MAPKAP1: variants seen among roughly 807,000 people sequenced by gnomAD.
MAPKAP1 encodes target of rapamycin complex 2 subunit MAPKAP1.
In MAPKAP1, 20 loss-of-function variants were observed where a neutral mutation model predicts 65.7. That is an observed-to-expected ratio of 0.30 (90% confidence interval 0.21 to 0.44). The LOEUF is 0.44. Ranked by LOEUF, MAPKAP1 falls within the 20% of genes least tolerant of loss-of-function variation. The pLI, the probability that MAPKAP1 is intolerant of heterozygous loss-of-function variation, is 1.00. For synonymous variants in MAPKAP1, 222 were observed against 244.3 expected, an observed-to-expected ratio of 0.91 and a Z score of 0.85; for missense variants, 423 against 648.0, an observed-to-expected ratio of 0.65 and a Z score of 3.77.
At chr9:125,618,400 C>A (rs1832805377) in intron 4 of MAPKAP1, among the ~76,000 whole-genome samples, 1 of 138,152 alleles carries the variant, frequency 7.2e-6, no homozygotes. Flanking sequence ...AAAGACAACC[C>A]ATTACCCATT....
chr9:125,622,064 T>C (rs1832918373), intron 4 of MAPKAP1, among the ~76,000 whole-genome samples: 1 of 152,088 alleles, frequency 6.6e-6, no homozygotes, highest in African/African-American at 2.4e-5. Flanking sequence ...TTCTCACTCA[T>C]ATGTGGGAGC....
intron 6 of MAPKAP1, among the ~76,000 whole-genome samples, chr9:125,543,607 C>G (rs991015351): frequency 2.6e-5 from 4 of 152,132 alleles, no homozygotes; most frequent in African/African-American, 4.8e-5. Flanking sequence ...TAAGTGCATA[C>G]TGAGGTGCCA....
intron 3 of MAPKAP1, 146 bp from the exon 4 acceptor site, chr9:125,657,945 A>C: frequency 2.8e-6 from 2 of 716,362 alleles, no homozygotes; most frequent in Non-Finnish European, 4.6e-6. Context: ...CCCACAATAT[A>C]CCGTGCACTG....
chr9:125,473,702 A>T (rs1161946021), intron 9 of MAPKAP1, among the ~76,000 whole-genome samples: 1 of 151,962 alleles, frequency 6.6e-6, no homozygotes, highest in Non-Finnish European at 1.5e-5. Flanking sequence ...CTGAGCGCCC[A>T]CTCTGGGTAG....
At chr9:125,672,680 A>G in intron 1 of MAPKAP1, 37 bp from the exon 2 acceptor site, 1 of 1,302,864 alleles carries the variant, frequency 7.7e-7, no homozygotes, top group Non-Finnish European at 1.1e-6. Context: ...ATTTAAGAAT[A>G]AGGCAGAAAA....
At chr9:125,697,460 C>A (rs1300897923) in intron 1 of MAPKAP1, among the ~76,000 whole-genome samples, 2 of 152,138 alleles carry the variant, frequency 1.3e-5, no homozygotes, top group African/African-American at 4.8e-5. Context: ...TGGGACCATA[C>A]TTTATAGAGT....
At chr9:125,590,794 TA>T (rs1435823449) in intron 4 of MAPKAP1, among the ~76,000 whole-genome samples, 2 of 151,890 alleles carry the variant, frequency 1.3e-5, no homozygotes, top group Non-Finnish European at 2.9e-5. Context: ...TTTTTTTTTT[TA>T]AACAGTCTCG....
intron 8 of MAPKAP1, among the ~76,000 whole-genome samples, chr9:125,488,871 T>G (rs1377797415): frequency 6.6e-6 from 1 of 152,222 alleles, no homozygotes; most frequent in Non-Finnish European, 1.5e-5. Flanking sequence ...AAATGGTGCC[T>G]GCAATAGACA....
intron 3 of MAPKAP1, among the ~76,000 whole-genome samples, chr9:125,659,414 G>A (rs568330210): frequency 3.9e-5 from 6 of 152,204 alleles, no homozygotes; most frequent in African/African-American, 1.4e-4. Flanking sequence ...TTCACACTCA[G>A]ACCTCTCTCC....
At chr9:125,457,175 G>C (rs149758935) in intron 10 of MAPKAP1, among the ~76,000 whole-genome samples, 7 of 152,122 alleles carry the variant, frequency 4.6e-5, no homozygotes, top group African/African-American at 1.7e-4. Flanking sequence ...TTTTAGTAGA[G>C]ACAGGCTTTC....
At chr9:125,678,399 C>T (rs551569155) in intron 1 of MAPKAP1, among the ~76,000 whole-genome samples, 13 of 152,140 alleles carry the variant, frequency 8.5e-5, no homozygotes, top group African/African-American at 2.7e-4. Flanking sequence ...CCCGCCACCA[C>T]GCCTGGCTAA....
intron 7 of MAPKAP1, among the ~76,000 whole-genome samples, chr9:125,524,170 A>G (rs756475245): frequency 6.6e-6 from 1 of 152,240 alleles, no homozygotes; most frequent in Non-Finnish European, 1.5e-5. Context: ...GTCCAGCTTT[A>G]TAACAGCCAT....
chr9:125,697,465 TAG>T (rs1835420376), intron 1 of MAPKAP1, among the ~76,000 whole-genome samples: 1 of 152,214 alleles, frequency 6.6e-6, no homozygotes, highest in Non-Finnish European at 1.5e-5. Context: ...CCATACTTTA[TAG>T]AGTGTCATAT....
intron 8 of MAPKAP1, among the ~76,000 whole-genome samples, chr9:125,503,361 C>T (rs1326400657): frequency 6.6e-6 from 1 of 152,264 alleles, no homozygotes; most frequent in African/African-American, 2.4e-5. Flanking sequence ...TTAGGCTGCA[C>T]TGCCAGACAG....
intron 9 of MAPKAP1, among the ~76,000 whole-genome samples, chr9:125,468,670 T>G (rs1422108515): frequency 6.6e-6 from 1 of 152,172 alleles, no homozygotes; most frequent in Non-Finnish European, 1.5e-5. Flanking sequence ...CAAGCTATAT[T>G]TAAGGGAAGT....
intron 8 of MAPKAP1, among the ~76,000 whole-genome samples, chr9:125,501,213 T>C (rs1300828878): frequency 1.3e-5 from 2 of 152,228 alleles, no homozygotes; most frequent in African/African-American, 4.8e-5. Flanking sequence ...TTACCCAGAA[T>C]CTTGTCAACC....
At chr9:125,576,730 G>A (rs1421274515) in intron 5 of MAPKAP1, among the ~76,000 whole-genome samples, 10 of 152,126 alleles carry the variant, frequency 6.6e-5, no homozygotes, top group Admixed American at 3.9e-4. Context: ...TGTGTTGGCC[G>A]GGCTGGTCTC....
At chr9:125,505,311 G>C (rs530355988) in intron 8 of MAPKAP1, among the ~76,000 whole-genome samples, 1 of 152,278 alleles carries the variant, frequency 6.6e-6, no homozygotes, top group South Asian at 2.1e-4. Flanking sequence ...TATAGTCCCA[G>C]CTACTCGGGA....
intron 7 of MAPKAP1, among the ~76,000 whole-genome samples, chr9:125,512,639 T>C (rs1829335173): frequency 6.6e-6 from 1 of 152,134 alleles, no homozygotes; most frequent in South Asian, 2.1e-4. Flanking sequence ...TGGAGTGCAG[T>C]GGCGCAATCT....
Sources: gnomAD v4.1 joint callset for allele counts (sites outside exome capture counted in the v4.1 genomes callset) on GRCh38, gnomAD v4.1.1 for gene constraint, MANE v1.5 for transcripts, NCBI Gene and HGNC (gene_info 2026-07-23, HGNC 2026-07-21) for gene names.